The following BCAP31 variants were observed in gnomAD, a reference collection of about 807,000 sequenced individuals.
The protein encoded by BCAP31 is B-cell receptor-associated protein 31.
For missense variants in BCAP31, 124 were observed against 193.0 expected (o/e 0.64, Z 2.12); for synonymous variants, 75 against 80.9 (o/e 0.93, Z 0.39).
intron 4 of BCAP31, among the ~76,000 whole-genome samples, chrX:153,706,635 C>G (rs2091556771): frequency 8.9e-6 from 1 of 112,925 alleles, no homozygotes; most frequent in Non-Finnish European, 1.9e-5. Flanking sequence ...GGCCCAGACT[C>G]ATACCTAACC....
intron 1 of BCAP31, 48 bp from the exon 2 acceptor site, chrX:153,723,336 G>A (rs2091681521): frequency 8.6e-7 from 1 of 1,158,195 alleles, no homozygotes; most frequent in East Asian, 3.3e-5. Context: ...GGGCAGCCAA[G>A]AACATCCAGT....
intron 4 of BCAP31, among the ~76,000 whole-genome samples, chrX:153,711,570 C>T (rs782808655): frequency 9.2e-4 from 103 of 112,162 alleles, no homozygotes; most frequent in African/African-American, 3.2e-3. Flanking sequence ...TACCTGCTCG[C>T]GTTCAAGAAC....
At chrX:153,717,298 A>G (rs2091635841) in intron 3 of BCAP31, among the ~76,000 whole-genome samples, 1 of 112,638 alleles carries the variant, frequency 8.9e-6, no homozygotes, top group Non-Finnish European at 1.9e-5. Context: ...TAATGTAGAA[A>G]TTGAGCCACG....
chrX:153,708,142 A>G (rs2091566528), intron 4 of BCAP31, among the ~76,000 whole-genome samples: 1 of 112,710 alleles, frequency 8.9e-6, no homozygotes, highest in African/African-American at 3.2e-5. Context: ...GGCAGCCCCA[A>G]TGCCTCAATC....
intron 3 of BCAP31, among the ~76,000 whole-genome samples, chrX:153,718,699 G>A (rs1180880535): frequency 1.8e-5 from 2 of 111,910 alleles, no homozygotes; most frequent in African/African-American, 6.5e-5. Context: ...AGATAAACAT[G>A]TTTCCTTACA....
chrX:153,715,710 G>A (rs782770863), intron 3 of BCAP31, 21 bp from the exon 4 acceptor site: 1 of 1,208,714 alleles, frequency 8.3e-7, no homozygotes, highest in East Asian at 3.0e-5. Flanking sequence ...GCAGAGAGGA[G>A]ACACGGGCAT....
chrX:153,723,667 G>T, intron 1 of BCAP31: 1 of 1,157,952 alleles, frequency 8.6e-7, no homozygotes, highest in Non-Finnish European at 1.2e-6. Context: ...GCACCCATCG[G>T]GCGCTCCCTT....
intron 4 of BCAP31, among the ~76,000 whole-genome samples, chrX:153,714,125 C>T (rs1265244588): frequency 9.1e-6 from 1 of 109,315 alleles, no homozygotes; most frequent in Non-Finnish European, 1.9e-5. Flanking sequence ...GATCCACCTG[C>T]CTCGGCCTCC....
intron 3 of BCAP31, among the ~76,000 whole-genome samples, chrX:153,716,325 A>C (rs781871545): frequency 1.4e-4 from 15 of 109,720 alleles, no homozygotes; most frequent in African/African-American, 5.0e-4. Context: ...TCCTTTTCCC[A>C]TGGTACCCTC....
intron 4 of BCAP31, among the ~76,000 whole-genome samples, chrX:153,706,882 C>T (rs1206986222): frequency 3.6e-5 from 4 of 112,127 alleles, no homozygotes; most frequent in Non-Finnish European, 5.6e-5. Flanking sequence ...GCGCCTCCTC[C>T]CTATCTGCTG....
At chrX:153,724,021 C>A in intron 1 of BCAP31, 1 of 348,960 alleles carries the variant, frequency 2.9e-6, no homozygotes, top group Non-Finnish European at 5.5e-6. Flanking sequence ...CTTACAGTAG[C>A]CCTCGCGGGC....
chrX:153,714,620 G>A (rs1336731997), intron 4 of BCAP31, among the ~76,000 whole-genome samples: 1 of 111,139 alleles, frequency 9.0e-6, no homozygotes, highest in African/African-American at 3.3e-5. Flanking sequence ...CAGGTGACTA[G>A]AGAGCAAGAA....
chrX:153,719,491 C>T (rs1162968518), intron 3 of BCAP31, among the ~76,000 whole-genome samples: 3 of 112,294 alleles, frequency 2.7e-5, no homozygotes, highest in Non-Finnish European at 5.6e-5. Flanking sequence ...TAACACTTGG[C>T]CTGTTCAGAG....
intron 3 of BCAP31, among the ~76,000 whole-genome samples, chrX:153,719,945 TC>T (rs1374101665): frequency 9.0e-6 from 1 of 111,587 alleles, no homozygotes; most frequent in Non-Finnish European, 1.9e-5. Flanking sequence ...AGTGTACACC[TC>T]AATGTCAGAG....
chrX:153,701,834 A>AC (rs2091520047), intron 7 of BCAP31, among the ~76,000 whole-genome samples, 173 bp downstream of exon 7: 1 of 111,789 alleles, frequency 8.9e-6, no homozygotes, highest in African/African-American at 3.3e-5. Context: ...CTGCCAGGCC[A>AC]CCCCCCTCCT....
At chrX:153,723,512 C>T in intron 1 of BCAP31, 3 of 1,161,677 alleles carry the variant, frequency 2.6e-6, no homozygotes, top group Non-Finnish European at 3.5e-6. Flanking sequence ...AATTACCTGC[C>T]CCCTCCAGCA....
intron 4 of BCAP31, among the ~76,000 whole-genome samples, chrX:153,711,868 G>C (rs1294723688): frequency 1.1e-5 from 1 of 95,099 alleles, no homozygotes; most frequent in African/African-American, 3.9e-5. Context: ...CTGTGCCACT[G>C]CACTCCGGCC....
At chrX:153,706,672 T>A (rs1362530143) in intron 4 of BCAP31, among the ~76,000 whole-genome samples, 1 of 112,561 alleles carries the variant, frequency 8.9e-6, no homozygotes, top group Non-Finnish European at 1.9e-5. Context: ...CTCCTGGATG[T>A]CCCCAGAGAC....
intron 4 of BCAP31, 196 bp downstream of exon 4, chrX:153,715,346 T>C (rs2091619556): frequency 3.7e-6 from 2 of 535,071 alleles, no homozygotes; most frequent in African/African-American, 4.6e-5. Context: ...GGCAGCCCTC[T>C]CCTACTCTCC....
Sources: allele counts gnomAD v4.1 joint callset (sites outside exome capture counted in the v4.1 genomes callset), GRCh38; gene constraint gnomAD v4.1.1; transcripts MANE v1.5; gene names NCBI Gene and HGNC (gene_info 2026-07-23, HGNC 2026-07-21).